The following TANGO6 variants were observed in gnomAD, a reference collection of about 807,000 sequenced individuals.
TANGO6 encodes transport and Golgi organization protein 6 homolog.
TANGO6 carries 90 observed loss-of-function variants against 114.2 expected under a neutral mutation model. The observed-to-expected ratio is 0.79, with a 90% CI of 0.66 to 0.94. The LOEUF is 0.94. Among genes scored for constraint, TANGO6 ranks in the 40% least tolerant of loss-of-function variants. The pLI is 0.00. For synonymous variants in TANGO6, 477 were observed against 509.8 expected, an observed-to-expected ratio of 0.94 and a Z score of 0.87; for missense variants, 1,274 against 1,315.3, an observed-to-expected ratio of 0.97 and a Z score of 0.49.
At chr16:69,040,560 A>T (rs1470548333) in intron 17 of TANGO6, 139 bp downstream of exon 17, 2 of 711,886 alleles carry the variant, frequency 2.8e-6, no homozygotes, top group Non-Finnish European at 4.7e-6. Flanking sequence ...GGGATTTTGT[A>T]GCAGGAAAAT....
intron 12 of TANGO6, among the ~76,000 whole-genome samples, chr16:68,924,600 C>A (rs1047233187): frequency 3.3e-5 from 5 of 151,778 alleles, no homozygotes; most frequent in Admixed American, 2.6e-4. Context: ...CCAGCCTGGC[C>A]AAAATGGCAA....
intron 14 of TANGO6, among the ~76,000 whole-genome samples, chr16:68,959,607 T>TA (rs950238486): frequency 6.6e-6 from 1 of 151,774 alleles, no homozygotes; most frequent in Admixed American, 6.6e-5. Context: ...AAAATAAAAA[T>TA]AAAAATAAAT....
At chr16:69,062,165 T>C (rs180885575) in intron 17 of TANGO6, among the ~76,000 whole-genome samples, 14 of 152,352 alleles carry the variant, frequency 9.2e-5, no homozygotes, top group Admixed American at 3.9e-4. Context: ...TCAAAACTTA[T>C]TCTGACCGCC....
At chr16:68,882,613 T>C (rs1962480273) in intron 7 of TANGO6, among the ~76,000 whole-genome samples, 1 of 152,190 alleles carries the variant, frequency 6.6e-6, no homozygotes, top group Non-Finnish European at 1.5e-5. Context: ...GGTTCTAAAA[T>C]TGTATTGTGA....
chr16:68,932,990 A>G (rs1448501269), intron 14 of TANGO6, among the ~76,000 whole-genome samples: 1 of 152,208 alleles, frequency 6.6e-6, no homozygotes, highest in Non-Finnish European at 1.5e-5. Flanking sequence ...TGTGTTAGCT[A>G]TTAATATTTT....
At chr16:68,939,293 G>A (rs187243849) in intron 14 of TANGO6, among the ~76,000 whole-genome samples, 34 of 152,226 alleles carry the variant, frequency 2.2e-4, no homozygotes, top group Middle Eastern at 3.4e-3. Context: ...GGGAGGCTGA[G>A]GTAGGAGAAT....
At chr16:68,867,333 C>T in intron 4 of TANGO6, 113 bp downstream of exon 4, 2 of 1,388,898 alleles carry the variant, frequency 1.4e-6, no homozygotes, top group Non-Finnish European at 2.0e-6. Context: ...AAACTAAACT[C>T]CATCCTTGCA....
chr16:68,970,192 G>C (rs986497559), intron 14 of TANGO6, among the ~76,000 whole-genome samples: 2 of 152,106 alleles, frequency 1.3e-5, no homozygotes, highest in Non-Finnish European at 2.9e-5. Context: ...GAGTAAGAAA[G>C]GGATATTTCT....
intron 7 of TANGO6, among the ~76,000 whole-genome samples, chr16:68,881,828 A>T (rs1962466077): frequency 6.6e-6 from 1 of 152,168 alleles, no homozygotes; most frequent in Non-Finnish European, 1.5e-5. Context: ...TTATGGCTAG[A>T]TGGAAGTAGG....
intron 5 of TANGO6, among the ~76,000 whole-genome samples, chr16:68,875,637 C>T (rs1230829246): frequency 3.3e-5 from 5 of 152,020 alleles, no homozygotes; most frequent in Non-Finnish European, 4.4e-5. Context: ...GGTGTGGTGG[C>T]GCATGCCTGT....
intron 15 of TANGO6, among the ~76,000 whole-genome samples, chr16:69,008,519 T>C (rs150976109): frequency 1.2e-3 from 187 of 152,362 alleles, no homozygotes; most frequent in Non-Finnish European, 2.1e-3. Flanking sequence ...AGGGCTGAGA[T>C]TACAGGCGTA....
intron 15 of TANGO6, among the ~76,000 whole-genome samples, chr16:69,014,304 T>G (rs962757631): frequency 5.3e-5 from 8 of 152,232 alleles, no homozygotes; most frequent in African/African-American, 1.7e-4. Context: ...GCAACCCTAA[T>G]TCATATATCC....
At chr16:68,856,937 A>G (rs4435246) in intron 1 of TANGO6, among the ~76,000 whole-genome samples, 11,344 of 152,070 alleles carry the variant, frequency 0.075, 905 homozygotes, top group African/African-American at 0.2. Context: ...GTGAAACCCC[A>G]TCTCTACTAA....
intron 7 of TANGO6, among the ~76,000 whole-genome samples, chr16:68,883,229 T>C (rs1018347183): frequency 1.3e-5 from 2 of 151,838 alleles, no homozygotes; most frequent in African/African-American, 4.8e-5. Flanking sequence ...AAAAATAAAG[T>C]GTACAGGCAT....
chr16:68,938,707 A>G (rs747873170), intron 14 of TANGO6, among the ~76,000 whole-genome samples: 10 of 152,100 alleles, frequency 6.6e-5, no homozygotes, highest in Non-Finnish European at 1.5e-4. Context: ...CCACATCAGC[A>G]GGGAAGTATG....
At chr16:68,972,900 A>G in intron 14 of TANGO6, 1 of 276,064 alleles carries the variant, frequency 3.6e-6, no homozygotes, top group Non-Finnish European at 7.1e-6. Context: ...CAGCAGATGC[A>G]GAGGGGAAGT....
intron 14 of TANGO6, among the ~76,000 whole-genome samples, chr16:68,940,770 A>G (rs1483721330): frequency 6.6e-6 from 1 of 152,266 alleles, no homozygotes; most frequent in Non-Finnish European, 1.5e-5. Context: ...TCAAAAATAG[A>G]TAACAATAAC....
chr16:68,909,452 A>C, intron 11 of TANGO6, 50 bp downstream of exon 11: 2 of 1,427,526 alleles, frequency 1.4e-6, no homozygotes, highest in Non-Finnish European at 1.8e-6. Flanking sequence ...TTTCCAAAAA[A>C]TAAAGTTTAA....
chr16:68,931,941 G>A (rs1046432113), intron 14 of TANGO6, among the ~76,000 whole-genome samples: 2 of 152,010 alleles, frequency 1.3e-5, no homozygotes, highest in Non-Finnish European at 2.9e-5. Context: ...TGCAACTTCC[G>A]CCTCCCGGGT....
Sources: allele counts gnomAD v4.1 joint callset (sites outside exome capture counted in the v4.1 genomes callset), GRCh38; gene constraint gnomAD v4.1.1; transcripts MANE v1.5; gene names NCBI Gene and HGNC (gene_info 2026-07-23, HGNC 2026-07-21).